NRXN1: variants seen among roughly 807,000 people sequenced by gnomAD.
NRXN1 encodes neurexin-1.
Under a neutral mutation model 150.9 loss-of-function variants are expected in NRXN1, and 39 were observed. The ratio of observed to expected loss-of-function variants is 0.26; its 90% CI spans 0.20 to 0.34. NRXN1 has a LOEUF of 0.34. NRXN1 is among the 10% of genes least tolerant of loss of function. The probability of loss-of-function intolerance (pLI) is 1.00; values close to 1 mark genes in which losing one functional copy is unlikely to be tolerated. For synonymous variants in NRXN1, 924 were observed against 757.0 expected (o/e 1.22, Z -3.62); for missense variants, 1,815 against 1,949.9 (o/e 0.93, Z 1.30).
chr2:50,705,804 A>G (rs1518548), intron 5 of NRXN1, among the ~76,000 whole-genome samples: 50,903 of 151,944 alleles, frequency 0.34, 9,219 homozygotes, highest in East Asian at 0.5. Context: ...TAATTCAGGA[A>G]TTGCCCTTAT....
chr2:50,641,691 G>A (rs531655198), intron 5 of NRXN1, among the ~76,000 whole-genome samples: 75 of 152,186 alleles, frequency 4.9e-4, no homozygotes, highest in African/African-American at 1.7e-3. Context: ...TATTCTTGGC[G>A]ACTGGGAAGA....
intron 21 of NRXN1, among the ~76,000 whole-genome samples, chr2:49,996,189 T>C (rs890054668): frequency 3.3e-5 from 5 of 152,126 alleles, no homozygotes; most frequent in African/African-American, 1.2e-4. Context: ...TAAGGTATTA[T>C]GAAAGTTCAC....
intron 8 of NRXN1, among the ~76,000 whole-genome samples, chr2:50,590,699 G>T (rs567398385): frequency 4.6e-5 from 7 of 152,230 alleles, no homozygotes; most frequent in Non-Finnish European, 8.8e-5. Context: ...CCTTACTTCT[G>T]CTATGTGAGG....
intron 17 of NRXN1, among the ~76,000 whole-genome samples, chr2:50,341,796 T>C (rs2077567520): frequency 6.6e-6 from 1 of 152,214 alleles, no homozygotes; most frequent in South Asian, 2.1e-4. Flanking sequence ...ACATTAATAA[T>C]GAAGGGCAAT....
intron 18 of NRXN1, among the ~76,000 whole-genome samples, chr2:50,108,764 T>G (rs1701998121): frequency 6.6e-6 from 1 of 152,098 alleles, no homozygotes; most frequent in East Asian, 1.9e-4. Context: ...CCCAATGAAG[T>G]AAAACAGTTT....
intron 17 of NRXN1, among the ~76,000 whole-genome samples, chr2:50,332,043 T>A (rs2076870844): frequency 6.6e-6 from 1 of 152,182 alleles, no homozygotes; most frequent in Admixed American, 6.5e-5. Context: ...GAATTAAAAT[T>A]TAATTATATC....
At chr2:49,984,007 A>T (rs980739662) in intron 21 of NRXN1, among the ~76,000 whole-genome samples, 8 of 112,188 alleles carry the variant, frequency 7.1e-5, no homozygotes, top group Non-Finnish European at 1.3e-4. Flanking sequence ...TACTAAAATT[A>T]AAAAAAAAAT....
At chr2:50,403,656 A>G (rs1434258836) in intron 17 of NRXN1, among the ~76,000 whole-genome samples, 1 of 152,144 alleles carries the variant, frequency 6.6e-6, no homozygotes, top group Non-Finnish European at 1.5e-5. Flanking sequence ...ACTTTCCTAA[A>G]TGTAACTTAG....
At chr2:50,489,401 A>G (rs1242812914) in intron 15 of NRXN1, among the ~76,000 whole-genome samples, 4 of 152,158 alleles carry the variant, frequency 2.6e-5, no homozygotes, top group African/African-American at 4.8e-5. Flanking sequence ...TCACCAATGA[A>G]TCCACACAAA....
chr2:50,923,425 C>A (rs540168047), intron 3 of NRXN1: 2 of 310,874 alleles, frequency 6.4e-6, no homozygotes, highest in South Asian at 3.0e-5. Context: ...TGTAAAGATA[C>A]ATATTACAGA....
chr2:50,783,845 G>A (rs1319947359), intron 5 of NRXN1, among the ~76,000 whole-genome samples: 2 of 152,188 alleles, frequency 1.3e-5, no homozygotes, highest in African/African-American at 2.4e-5. Flanking sequence ...TAGGAGTAAT[G>A]TAACTATTAT....
At chr2:50,359,303 A>T (rs1170476097) in intron 17 of NRXN1, among the ~76,000 whole-genome samples, 1 of 151,618 alleles carries the variant, frequency 6.6e-6, no homozygotes, top group Non-Finnish European at 1.5e-5. Flanking sequence ...GTAATAACAG[A>T]CTCCTCTGAG....
At chr2:50,967,703 C>A (rs1694320794) in intron 2 of NRXN1, among the ~76,000 whole-genome samples, 1 of 151,908 alleles carries the variant, frequency 6.6e-6, no homozygotes, top group Non-Finnish European at 1.5e-5. Context: ...TCCAGTTTTG[C>A]AATTAACAGT....
chr2:50,745,412 C>T (rs1296932817), intron 5 of NRXN1, among the ~76,000 whole-genome samples: 1 of 150,134 alleles, frequency 6.7e-6, no homozygotes, highest in African/African-American at 2.5e-5. Context: ...CCTCCCCTCC[C>T]CTTCCCTCCC....
At chr2:50,756,988 C>T (rs1199743245) in intron 5 of NRXN1, among the ~76,000 whole-genome samples, 2 of 151,762 alleles carry the variant, frequency 1.3e-5, no homozygotes, top group African/African-American at 4.8e-5. Context: ...GAATGCTTTA[C>T]AGAAAAGAAG....
rs181396558 is a variant in NRXN1 at position 50,884,869 on chromosome 2, T to C, written c.832+37000A>G. Among the ~76,000 whole-genome samples the C allele has an allele frequency of 2.6e-5, 4 of 151,538 alleles. No homozygotes were observed. In the East Asian group the frequency reaches 7.8e-4, roughly 29 times the overall value. ...ACTTTTTTTTCTATAAACGCAAAAG[T>C]AGCAATTGAAGGGGGAGGGAGCGAA... is the stretch of plus-strand genomic sequence containing the variant. On this transcript the variant is annotated intron_variant, in intron 5 of 22. Transcript: ENST00000401669.
At chr2:50,713,782 A>C (rs1346765792) in intron 5 of NRXN1, among the ~76,000 whole-genome samples, 1 of 152,208 alleles carries the variant, frequency 6.6e-6, no homozygotes, top group African/African-American at 2.4e-5. Flanking sequence ...CTGTTGGTCT[A>C]TTGAGGAGTA....
intron 5 of NRXN1, among the ~76,000 whole-genome samples, chr2:50,679,603 T>A (rs1036595709): frequency 1.4e-4 from 22 of 152,024 alleles, no homozygotes; most frequent in Non-Finnish European, 2.9e-5. Flanking sequence ...TTGATGACAG[T>A]AAGACCCTGC....
At chr2:50,309,806 C>T (rs1034126923) in intron 17 of NRXN1, among the ~76,000 whole-genome samples, 1 of 152,150 alleles carries the variant, frequency 6.6e-6, no homozygotes. Flanking sequence ...CCTTCAAGAT[C>T]ACACTACAGA....
Sources: allele counts gnomAD v4.1 joint callset (sites outside exome capture counted in the v4.1 genomes callset), GRCh38; gene constraint gnomAD v4.1.1; transcripts MANE v1.5; gene names NCBI Gene and HGNC (gene_info 2026-07-23, HGNC 2026-07-21).